Variants in CWH43 observed in about 807,000 individuals in gnomAD.
CWH43 encodes the protein cell wall biogenesis 43 C-terminal homolog.
CWH43 carries 91 observed loss-of-function variants against 85.7 expected under a neutral mutation model. The observed-to-expected ratio is 1.06, with a 90% CI of 0.90 to 1.26. CWH43 has a LOEUF of 1.26. Among genes scored for constraint, CWH43 ranks in the 50% most tolerant of loss-of-function variants. The pLI, the probability that CWH43 is intolerant of heterozygous loss-of-function variation, is 0.00. For synonymous variants in CWH43, 323 were observed against 293.6 expected, an observed-to-expected ratio of 1.10 and a Z score of -1.02; for missense variants, 869 against 839.2, an observed-to-expected ratio of 1.04 and a Z score of -0.44.
At chr4:48,994,296 A>C (rs961743094) in intron 4 of CWH43, among the ~76,000 whole-genome samples, 2 of 152,208 alleles carry the variant, frequency 1.3e-5, no homozygotes, top group Non-Finnish European at 2.9e-5. Flanking sequence ...TTTGTACAAC[A>C]TTTGTTCACA....
chr4:49,019,734 C>A (rs1163402941), intron 9 of CWH43, among the ~76,000 whole-genome samples: 1 of 152,038 alleles, frequency 6.6e-6, no homozygotes, highest in East Asian at 1.9e-4. Flanking sequence ...CGCACACCAC[C>A]ATGCCCAGCT....
At chr4:49,004,641 T>G (rs1783098325) in intron 7 of CWH43, among the ~76,000 whole-genome samples, 1 of 152,178 alleles carries the variant, frequency 6.6e-6, no homozygotes, top group South Asian at 2.1e-4. Context: ...CCTCCTGCCT[T>G]GGCTTCCCAA....
chr4:49,019,412 G>A (rs1783668243), intron 9 of CWH43, among the ~76,000 whole-genome samples: 2 of 152,172 alleles, frequency 1.3e-5, no homozygotes, highest in South Asian at 4.1e-4. Flanking sequence ...GTGTTTGAGG[G>A]ACATCAGGGT....
chr4:48,991,915 A>G, intron 3 of CWH43, 21 bp from the exon 4 acceptor site: 1 of 1,602,504 alleles, frequency 6.2e-7, no homozygotes, highest in South Asian at 1.1e-5. Flanking sequence ...AAAGTGTTTA[A>G]AAATACTTTT....
At chr4:48,998,621 T>C in intron 6 of CWH43, 73 bp downstream of exon 6, 1 of 1,082,920 alleles carries the variant, frequency 9.2e-7, no homozygotes, top group Non-Finnish European at 1.4e-6. Context: ...CATGCGCAAC[T>C]CGACTGAAAG....
rs769273266 is a variant in CWH43, at chr4:49,028,686, G to C, written c.1324G>C (p.Glu442Gln). Residue 442 changes from glutamate (E) to glutamine (Q), a missense_variant, in exon 10 of 16, where the codon GAA becomes CAA. Around this residue, in one of 3 missense-constraint regions of CWH43, gnomAD observed 577 missense variants for 513.1 expected, o/e 1.12. Transcript: ENST00000226432. ...GCCTTTCAGGTTTGGATATGACAAT[G>C]AAGGGTGGTCTAGTCTAGAAAGATC... Reference protein sequence around the residue: ...IWPFRFGYDNEGWSSLERSAH... With the variant: ...IWPFRFGYDNQGWSSLERSAH... 1.2e-6 allele frequency: 2 copies of C among 1,613,960 alleles called. No individual in the cohort carries two copies. The highest frequency in any genetic ancestry group is 1.7e-6 in the Non-Finnish European group (2 of 1,179,858).
At chr4:49,039,350 C>T (rs1470005525) in intron 13 of CWH43, among the ~76,000 whole-genome samples, 8 of 7,470 alleles carry the variant, frequency 1.1e-3, no homozygotes, top group African/African-American at 1.6e-3. Context: ...TATATATATA[C>T]TGATATATAT....
chr4:48,988,531 C>T lies in CWH43; in HGVS notation c.98C>T (p.Pro33Leu). The T allele has an allele frequency of 1.9e-6, 3 of 1,612,744 alleles. No individual in the cohort carries two copies. The highest frequency in any genetic ancestry group is 1.7e-6 in the Non-Finnish European group (2 of 1,179,518). ...CTGGGACCGATGATCTATTACTTTC[C>T]TTTGCAAACACTAGAACTCACTGGG... is the stretch of plus-strand genomic sequence containing the variant. ...HDLGPMIYYF[P>L]LQTLELTGLE... Residue 33 changes from proline (P) to leucine (L), a missense_variant, in exon 2 of 16, where the codon CCT (proline) becomes CTT (leucine). Around this residue, in one of 3 missense-constraint regions of CWH43, gnomAD observed 140 missense variants for 122.6 expected, o/e 1.14. Transcript: ENST00000226432.
intron 8 of CWH43, among the ~76,000 whole-genome samples, chr4:49,012,670 T>G (rs1199850321): frequency 3.9e-5 from 6 of 152,224 alleles, no homozygotes; most frequent in Middle Eastern, 3.2e-3. Flanking sequence ...GTGGATGTCC[T>G]TTTTGTTGAT....
At chr4:49,046,819 C>A (rs994852114) in intron 14 of CWH43, among the ~76,000 whole-genome samples, 1 of 152,108 alleles carries the variant, frequency 6.6e-6, no homozygotes, top group Non-Finnish European at 1.5e-5. Context: ...TGAGTTGATT[C>A]ACAGGTTCCT....
At chr4:49,045,306 G>C (rs1324154118) in intron 14 of CWH43, among the ~76,000 whole-genome samples, 1 of 152,112 alleles carries the variant, frequency 6.6e-6, no homozygotes, top group African/African-American at 2.4e-5. Flanking sequence ...TAGGTAAATT[G>C]TATTTAAAAA....
chr4:48,986,714 T>A lies in CWH43; in HGVS notation c.43+242T>A, dbSNP rs1782507073. 3.0e-6 allele frequency: 4 copies of A among 1,345,750 alleles called. No individual in the cohort carries two copies. In the African/African-American group the frequency reaches 4.5e-5, roughly 15 times the overall value. The allele number at this position is 1,345,750 out of a possible 1,614,324, so 83.4% of individuals were successfully genotyped here. A position where few individuals can be genotyped will look rare whatever the true frequency, so the allele number is the denominator to read the frequency against. On this transcript the variant is annotated intron_variant, in intron 1 of 15. Coordinates refer to ENST00000226432, the MANE Select transcript of CWH43 (RefSeq NM_025087.3). ...CCCGCGAGAGACCCCGTCGCCCGAGTTCCCAGCAGCCCTGGGATTGTGCCC... is the reference window on the plus strand; with the variant it reads ...CCCGCGAGAGACCCCGTCGCCCGAGATCCCAGCAGCCCTGGGATTGTGCCC...
chr4:48,996,228 G>C (rs1017915197), intron 5 of CWH43, among the ~76,000 whole-genome samples: 4 of 151,730 alleles, frequency 2.6e-5, no homozygotes, highest in African/African-American at 9.7e-5. Context: ...TTATCACAGG[G>C]GATCCTCCTT....
chr4:48,988,222 G>A lies in CWH43; in HGVS notation c.44-255G>A, dbSNP rs115305316. Among the ~76,000 whole-genome samples, 1,448 of 152,252 alleles carry A rather than the reference G, an allele frequency of 9.5e-3. 8 individuals carry two copies. Among genetic ancestry groups the A allele is most frequent in the Middle Eastern group, 0.037 (11 of 294 alleles). On this transcript the variant is annotated intron_variant, in intron 1 of 15. Coordinates refer to ENST00000226432, the MANE Select transcript of CWH43 (RefSeq NM_025087.3). Reference sequence around the variant, plus strand: ...CATGTGTTACATAGTGACATTTCACGAGGAAATTGCCATTGCTTTTCTGTC... The same window carrying A: ...CATGTGTTACATAGTGACATTTCACAAGGAAATTGCCATTGCTTTTCTGTC...
At chr4:49,006,802 A>G (rs1344698576) in intron 7 of CWH43, among the ~76,000 whole-genome samples, 3 of 152,152 alleles carry the variant, frequency 2.0e-5, no homozygotes, top group Admixed American at 1.3e-4. Context: ...TTAAGAGCCT[A>G]CGTATGATCC....
intron 14 of CWH43, among the ~76,000 whole-genome samples, chr4:49,046,303 A>G (rs1784619937): frequency 8.3e-6 from 1 of 119,780 alleles, no homozygotes; most frequent in Admixed American, 1.1e-4. Context: ...AAAAAGAGGG[A>G]CTAACCATTC....
intron 15 of CWH43, among the ~76,000 whole-genome samples, chr4:49,057,522 G>C (rs1475309886): frequency 6.6e-6 from 1 of 152,158 alleles, no homozygotes; most frequent in Non-Finnish European, 1.5e-5. Context: ...TTTCCCTCTA[G>C]CTTAGTGATT....
At chr4:49,033,035 C>T (rs757034029) in intron 12 of CWH43, among the ~76,000 whole-genome samples, 11 of 152,090 alleles carry the variant, frequency 7.2e-5, no homozygotes, top group Non-Finnish European at 1.5e-4. Context: ...CCCCGTTTTG[C>T]AGGTAAAGAA....
At chr4:49,004,089 G>T (rs369149572) in intron 7 of CWH43, 97 bp downstream of exon 7, 1 of 1,126,270 alleles carries the variant, frequency 8.9e-7, no homozygotes, top group South Asian at 1.7e-5. Context: ...GTGGAAATAA[G>T]CAGGATGATC....
Sources: gnomAD v4.1 joint callset for allele counts (sites outside exome capture counted in the v4.1 genomes callset) on GRCh38, gnomAD v4.1.1 for gene constraint, gnomAD v4.1.1 regional missense constraint, MANE v1.5 for transcripts, NCBI Gene and HGNC (gene_info 2026-07-23, HGNC 2026-07-21) for gene names.